Variants in PDE1C observed in about 807,000 individuals in gnomAD.
The protein encoded by PDE1C is dual specificity calcium/calmodulin-dependent 3',5'-cyclic nucleotide phosphodiesterase 1C.
PDE1C carries 62 observed loss-of-function variants against 93.1 expected under a neutral mutation model. The observed-to-expected ratio is 0.67, with a 90% CI of 0.54 to 0.82. PDE1C has a LOEUF of 0.82. Among genes scored for constraint, PDE1C ranks in the 40% least tolerant of loss-of-function variants. The pLI, the probability that PDE1C is intolerant of heterozygous loss-of-function variation, is 0.00. For synonymous variants in PDE1C, 325 were observed against 310.1 expected (o/e 1.05, Z -0.50); for missense variants, 742 against 884.6 (o/e 0.84, Z 2.04).
At chr7:31,642,985 C>A in the PDE1C span, 2 of 1,614,040 alleles carry the variant, frequency 1.2e-6, no homozygotes, top group Non-Finnish European at 1.7e-6. Flanking sequence ...GAAAGACAGC[C>A]ATCTGTGGCA....
At chr7:32,329,976 GC>G (rs1322365901) in intron 1 of PDE1C, among the ~76,000 whole-genome samples, 1 of 152,220 alleles carries the variant, frequency 6.6e-6, no homozygotes, top group East Asian at 1.9e-4. Flanking sequence ...ATGCCAAGGA[GC>G]CTGGCAATAT....
intron 17 of PDE1C, among the ~76,000 whole-genome samples, chr7:31,754,544 T>C (rs1238478698): frequency 6.6e-6 from 1 of 152,222 alleles, no homozygotes; most frequent in Admixed American, 6.5e-5. Flanking sequence ...CAATGGAATA[T>C]TATTCATTGT....
chr7:32,077,869 C>T (rs1796440920), intron 3 of PDE1C: 1 of 985,224 alleles, frequency 1.0e-6, no homozygotes, highest in Non-Finnish European at 1.2e-6. Context: ...ATTATTATTA[C>T]CTCCAGTTTA....
intron 1 of PDE1C, among the ~76,000 whole-genome samples, chr7:32,056,009 C>G (rs1169835364): frequency 6.6e-6 from 1 of 152,140 alleles, no homozygotes; most frequent in African/African-American, 2.4e-5. Flanking sequence ...CATGAGCCAC[C>G]ATTCCTGGCT....
chr7:31,706,804 C>T, the PDE1C span, among the ~76,000 whole-genome samples: 1 of 152,162 alleles, frequency 6.6e-6, no homozygotes, highest in East Asian at 1.9e-4. Flanking sequence ...ATAATTGTTA[C>T]TGTACTCATG....
At chr7:31,755,905 C>T (rs571753231) in intron 17 of PDE1C, among the ~76,000 whole-genome samples, 3 of 152,294 alleles carry the variant, frequency 2.0e-5, no homozygotes, top group Non-Finnish European at 4.4e-5. Flanking sequence ...GTGGCTCATG[C>T]CTGTAATCCC....
chr7:31,939,188 ATC>A (rs1267971984), intron 2 of PDE1C, among the ~76,000 whole-genome samples: 1 of 152,156 alleles, frequency 6.6e-6, no homozygotes, highest in Non-Finnish European at 1.5e-5. Context: ...ATGTAGAAGA[ATC>A]TCTCTGTTAA....
intron 1 of PDE1C, among the ~76,000 whole-genome samples, chr7:32,341,060 G>C (rs1051268836): frequency 2.6e-5 from 4 of 152,044 alleles, no homozygotes; most frequent in African/African-American, 9.7e-5. Context: ...CCACTCCAGT[G>C]GGGGATGTTG....
At chr7:32,286,442 C>G (rs568588972) in intron 1 of PDE1C, among the ~76,000 whole-genome samples, 1 of 152,310 alleles carries the variant, frequency 6.6e-6, no homozygotes, top group Admixed American at 6.5e-5. Flanking sequence ...ATTTGGCATA[C>G]AGCAAACACT....
At chr7:32,116,907 T>TA (rs1307049918) in intron 3 of PDE1C, among the ~76,000 whole-genome samples, 1 of 152,306 alleles carries the variant, frequency 6.6e-6, no homozygotes, top group African/African-American at 2.4e-5. Context: ...CAGCACCCTA[T>TA]AGACCATTTC....
At chr7:31,766,904 G>A (rs1381629509) in intron 17 of PDE1C, among the ~76,000 whole-genome samples, 1 of 152,130 alleles carries the variant, frequency 6.6e-6, no homozygotes, top group Admixed American at 6.5e-5. Flanking sequence ...TTTATATTTT[G>A]CATAGAATTT....
chr7:32,002,975 T>C (rs1227497172), intron 2 of PDE1C, among the ~76,000 whole-genome samples: 1 of 152,218 alleles, frequency 6.6e-6, no homozygotes, highest in African/African-American at 2.4e-5. Context: ...ACCACAAAAG[T>C]AGTATCTATA....
Position 31,825,079 on chromosome 7 carries a change from C to T in PDE1C, c.1286-92G>A, listed in dbSNP as rs1789488855. The T allele has an allele frequency of 3.3e-6, 5 of 1,530,710 alleles. No individual in the cohort carries two copies. In the South Asian group the frequency reaches 3.5e-5, roughly 11 times the overall value. 94.8% of individuals were successfully genotyped at this position (1,530,710 alleles called of 1,614,324 possible). ...AGAAACTGATCTAGAAGTTCCAGAT[C>T]AGATTAAAAGAGAATGGCTTGATCT... On this transcript the variant is annotated intron_variant, in intron 12 of 17. Coordinates refer to ENST00000396191, the MANE Select transcript of PDE1C (RefSeq NM_001191057.4).
intron 3 of PDE1C, among the ~76,000 whole-genome samples, chr7:32,107,269 G>A (rs1798373472): frequency 6.6e-6 from 1 of 150,626 alleles, no homozygotes; most frequent in Non-Finnish European, 1.5e-5. Context: ...AGACAGGTAG[G>A]GTGAGAGGGA....
chr7:31,935,366 A>G (rs931009456), intron 2 of PDE1C, among the ~76,000 whole-genome samples: 2 of 152,112 alleles, frequency 1.3e-5, no homozygotes, highest in Non-Finnish European at 2.9e-5. Flanking sequence ...CCCTTGCCCC[A>G]GGCCTGCACT....
chr7:32,306,947 AG>A (rs1352088121), intron 1 of PDE1C, among the ~76,000 whole-genome samples: 1 of 152,224 alleles, frequency 6.6e-6, no homozygotes, highest in Non-Finnish European at 1.5e-5. Context: ...AATTGCCATT[AG>A]AAATGCATCT....
chr7:31,822,415 A>G (rs1159677182), intron 14 of PDE1C, among the ~76,000 whole-genome samples: 1 of 152,160 alleles, frequency 6.6e-6, no homozygotes, highest in Non-Finnish European at 1.5e-5. Flanking sequence ...GGACATGCTC[A>G]GTAGTCACAA....
rs113988221 is a variant in PDE1C, at chr7:31,953,887, A to G, written c.129-73027T>C. Among the ~76,000 whole-genome samples the G allele has an allele frequency of 9.9e-3, 1,505 of 152,356 alleles. 7 individuals are homozygous for G. Among genetic ancestry groups the G allele is most frequent in the Admixed American group, 0.015 (225 of 15,296 alleles). ...ATGAGTAGAGCTGGAGAAATAGAGT[A>G]TCTTGGTTCCTTGATCCATAATATT... On this transcript the variant is annotated intron_variant, in intron 2 of 17. Coordinates refer to ENST00000396191, the MANE Select transcript of PDE1C (RefSeq NM_001191057.4).
intron 7 of PDE1C, among the ~76,000 whole-genome samples, chr7:31,862,723 G>A (rs1222990388): frequency 6.6e-6 from 1 of 152,294 alleles, no homozygotes; most frequent in East Asian, 1.9e-4. Context: ...GATTTCAGCA[G>A]AGGAATTTGG....
Sources: allele counts gnomAD v4.1 joint callset (sites outside exome capture counted in the v4.1 genomes callset), GRCh38; gene constraint gnomAD v4.1.1; transcripts MANE v1.5; gene names NCBI Gene and HGNC (gene_info 2026-07-23, HGNC 2026-07-21).